The following KLF8 variants were observed in gnomAD, a reference collection of about 807,000 sequenced individuals.
KLF8 encodes KLF transcription factor 8.
A neutral mutation model predicts 18.2 loss-of-function variants in KLF8; 10 were observed. The observed-to-expected ratio is 0.55, with a 90% CI of 0.34 to 0.93. The LOEUF (loss-of-function observed/expected upper bound fraction) is 0.93. KLF8 is among the 40% of genes least tolerant of loss of function. KLF8 has a pLI of 0.02. For missense variants in KLF8, 264 were observed against 277.9 expected (o/e 0.95, Z 0.36); for synonymous variants, 109 against 97.3 (o/e 1.12, Z -0.71).
At chrX:56,155,363 C>A in the KLF8 span, among the ~76,000 whole-genome samples, 6 of 111,178 alleles carry the variant, frequency 5.4e-5, no homozygotes, top group East Asian at 5.7e-4. Flanking sequence ...GGAGAAAAAA[C>A]CAAACATCAC....
the KLF8 span, among the ~76,000 whole-genome samples, chrX:56,127,641 G>A: frequency 9.0e-6 from 1 of 111,555 alleles, no homozygotes; most frequent in Non-Finnish European, 1.9e-5. Flanking sequence ...CTTCCAGCCT[G>A]AGTGACAGAG....
the KLF8 span, among the ~76,000 whole-genome samples, chrX:56,158,863 T>A: frequency 3.6e-5 from 4 of 111,609 alleles, no homozygotes; most frequent in Non-Finnish European, 5.6e-5. Flanking sequence ...CTTTTCCTAA[T>A]TGAATACCAT....
intron 1 of KLF8, among the ~76,000 whole-genome samples, chrX:56,246,805 T>C (rs2066627915): frequency 9.0e-6 from 1 of 111,275 alleles, no homozygotes; most frequent in South Asian, 3.8e-4. Flanking sequence ...TTTAGACTGA[T>C]AGACTGGGTT....
the KLF8 span, among the ~76,000 whole-genome samples, chrX:56,056,571 T>C: frequency 1.0e-3 from 95 of 92,719 alleles, no homozygotes; most frequent in Middle Eastern, 5.4e-3. Flanking sequence ...ACACCGCATA[T>C]TCTCACTCAT....
chrX:56,241,144 T>A (rs1354856810), intron 1 of KLF8, among the ~76,000 whole-genome samples: 1 of 111,856 alleles, frequency 8.9e-6, no homozygotes, highest in African/African-American at 3.3e-5. Flanking sequence ...GGGGTTTTTG[T>A]CTACTTTTGT....
intron 5 of KLF8, among the ~76,000 whole-genome samples, chrX:56,271,322 A>G (rs948553057): frequency 9.0e-6 from 1 of 111,500 alleles, no homozygotes; most frequent in Non-Finnish European, 1.9e-5. Flanking sequence ...TATTATGTGA[A>G]ATGTCCTTGA....
chrX:56,082,997 G>A, the KLF8 span, among the ~76,000 whole-genome samples: 285 of 111,855 alleles, frequency 2.5e-3, no homozygotes, highest in African/African-American at 8.8e-3. Flanking sequence ...AATATAATGT[G>A]CCTCTGTGTG....
the KLF8 span, among the ~76,000 whole-genome samples, chrX:56,195,591 C>A: frequency 9.0e-6 from 1 of 111,706 alleles, no homozygotes; most frequent in Non-Finnish European, 1.9e-5. Context: ...GTAAAAAGAC[C>A]AAATCTGTGT....
chrX:55,944,679 C>T, the KLF8 span, among the ~76,000 whole-genome samples: 3 of 110,462 alleles, frequency 2.7e-5, no homozygotes, highest in African/African-American at 9.9e-5. Context: ...TGGTGATATC[C>T]CCTTTATCAT....
the KLF8 span, among the ~76,000 whole-genome samples, chrX:56,191,225 G>C: frequency 1.8e-5 from 2 of 111,562 alleles, no homozygotes; most frequent in African/African-American, 6.5e-5. Context: ...AGGATAAATT[G>C]CTAGAAACAT....
chrX:56,082,955 T>G, the KLF8 span, among the ~76,000 whole-genome samples: 1 of 112,289 alleles, frequency 8.9e-6, no homozygotes, highest in Admixed American at 9.4e-5. Flanking sequence ...CTGACTACTT[T>G]CAAGACTCTG....
the KLF8 span, among the ~76,000 whole-genome samples, chrX:56,091,740 C>T: frequency 8.9e-6 from 1 of 111,774 alleles, no homozygotes; most frequent in Non-Finnish European, 1.9e-5. Flanking sequence ...GATGATCCAC[C>T]CAGTTTGGCC....
intron 1 of KLF8, among the ~76,000 whole-genome samples, chrX:56,247,504 C>A (rs1291941591): frequency 8.9e-6 from 1 of 111,930 alleles, no homozygotes; most frequent in African/African-American, 3.2e-5. Context: ...CTTACTATAA[C>A]TTTTTTAGCT....
the KLF8 span, among the ~76,000 whole-genome samples, chrX:55,970,565 C>T: frequency 9.0e-6 from 1 of 111,688 alleles, no homozygotes; most frequent in Non-Finnish European, 1.9e-5. Context: ...CAAGTCCTAG[C>T]TAGAGCAGTC....
the KLF8 span, among the ~76,000 whole-genome samples, chrX:56,185,105 C>A: frequency 8.9e-6 from 1 of 111,738 alleles, no homozygotes. Context: ...AAACCAAAGG[C>A]AAAGAAGTTA....
chrX:55,945,561 C>G, the KLF8 span, among the ~76,000 whole-genome samples: 1 of 111,088 alleles, frequency 9.0e-6, no homozygotes, highest in Non-Finnish European at 1.9e-5. Context: ...TGGAAGCATT[C>G]CCTTTGAAAA....
At chrX:55,961,993 C>A in the KLF8 span, 24 of 161,323 alleles carry the variant, frequency 1.5e-4, no homozygotes, top group Non-Finnish European at 2.4e-4. Context: ...CATCAAAGAG[C>A]ATTAATTTTT....
chrX:56,104,524 T>G, the KLF8 span, among the ~76,000 whole-genome samples: 1 of 112,089 alleles, frequency 8.9e-6, no homozygotes, highest in African/African-American at 3.2e-5. Context: ...TAGTATTCTC[T>G]GATGGTACTT....
the KLF8 span, among the ~76,000 whole-genome samples, chrX:56,018,314 T>C: frequency 9.0e-6 from 1 of 111,521 alleles, no homozygotes; most frequent in Non-Finnish European, 1.9e-5. Context: ...CTTATTTCAC[T>C]TAACATAGTT....
Sources: gnomAD v4.1 joint callset for allele counts (sites outside exome capture counted in the v4.1 genomes callset) on GRCh38, gnomAD v4.1.1 for gene constraint, MANE v1.5 for transcripts, NCBI Gene and HGNC (gene_info 2026-07-23, HGNC 2026-07-21) for gene names.